The following TRPS1 variants were observed in gnomAD, a reference collection of about 807,000 sequenced individuals.
The protein encoded by TRPS1 is transcriptional repressor GATA binding 1, also known as zinc finger transcription factor Trps1.
A neutral mutation model predicts 101.2 loss-of-function variants in TRPS1; 6 were observed. The ratio of observed to expected loss-of-function variants is 0.06; its 90% CI spans 0.03 to 0.12. The LOEUF is 0.12. TRPS1 is among the 10% of genes least tolerant of loss of function. TRPS1 has a pLI of 1.00. For synonymous variants in TRPS1, 578 were observed against 589.8 expected (o/e 0.98, Z 0.29); for missense variants, 1,363 against 1,567.0 (o/e 0.87, Z 2.20).
rs888537991 is a variant in TRPS1 at position 115,412,126 on chromosome 8, G to C, written c.*1897C>G. 25 of 151,542 alleles carry C rather than the reference G, an allele frequency of 1.6e-4. No homozygotes were observed. Among genetic ancestry groups the C allele is most frequent in the African/African-American group, 6.1e-4 (25 of 41,104 alleles). 9.4% of individuals were successfully genotyped at this position (151,542 alleles called of 1,614,324 possible). ...AAACATAGACAAAGCAATAAAAAGA[G>C]GATATATGTTTATCATCTTAAGCAT... On this transcript the variant is annotated 3_prime_UTR_variant, in exon 7 of 7. Transcript: ENST00000395715.
At chr8:115,540,162 A>G (rs2130303590) in intron 5 of TRPS1, among the ~76,000 whole-genome samples, 1 of 152,308 alleles carries the variant, frequency 6.6e-6, no homozygotes, top group Non-Finnish European at 1.5e-5. Flanking sequence ...AAAGCTTAAC[A>G]TGCTTTAGTA....
intron 1 of TRPS1, among the ~76,000 whole-genome samples, chr8:115,655,631 T>C (rs1811660544): frequency 6.6e-6 from 1 of 152,184 alleles, no homozygotes; most frequent in Non-Finnish European, 1.5e-5. Context: ...GTACATGATC[T>C]TTTGTCAAAA....
intron 5 of TRPS1, among the ~76,000 whole-genome samples, chr8:115,436,157 C>T (rs751908465): frequency 1.3e-3 from 193 of 152,212 alleles, no homozygotes; most frequent in Middle Eastern, 3.4e-3. Flanking sequence ...AAATACAACT[C>T]ACATTGTATG....
chr8:115,534,734 T>C (rs1259715834), intron 5 of TRPS1, among the ~76,000 whole-genome samples: 1 of 152,192 alleles, frequency 6.6e-6, no homozygotes, highest in Admixed American at 6.5e-5. Flanking sequence ...AGAGTGGTAA[T>C]AATATATGAT....
chr8:115,494,857 T>C (rs111796173), intron 5 of TRPS1, among the ~76,000 whole-genome samples: 1 of 152,222 alleles, frequency 6.6e-6, no homozygotes, highest in African/African-American at 2.4e-5. Context: ...AAGATTAGGA[T>C]GTTTTTCGCT....
In TRPS1 at chr8:115,498,592, C is replaced by T. The variant is rs541283350; in HGVS notation, c.2701-80140G>A. On this transcript the variant is annotated intron_variant, in intron 5 of 6. Transcript: ENST00000395715. ...TATGGAAACTAATAAGCCAGAAAAA[C>T]GATGTAATGTAGTAGAAGCCATGCA... is the stretch of plus-strand genomic sequence containing the variant. Among the ~76,000 whole-genome samples, 13 of 151,328 alleles carry T rather than the reference C, an allele frequency of 8.6e-5. 1 individual carries two copies. The South Asian group carries it at 2.5e-3, about 29-fold the overall frequency.
chr8:115,517,518 G>T (rs1815745449), intron 5 of TRPS1, among the ~76,000 whole-genome samples: 1 of 151,176 alleles, frequency 6.6e-6, no homozygotes, highest in Non-Finnish European at 1.5e-5. Context: ...GGTTCTGCAG[G>T]GCTAATTAGT....
intron 5 of TRPS1, among the ~76,000 whole-genome samples, chr8:115,556,820 T>C (rs1816831460): frequency 6.6e-6 from 1 of 152,184 alleles, no homozygotes; most frequent in African/African-American, 2.4e-5. Context: ...GTATGCCACA[T>C]TTCCAAGCTT....
Position 115,415,049 on chromosome 8 carries a change from G to A in TRPS1, c.2859C>T (p.Asn953=), listed in dbSNP as rs769248489. The A allele has an allele frequency of 6.9e-6, 11 of 1,595,006 alleles. No individual in the cohort carries two copies. The highest frequency in any genetic ancestry group is 2.3e-5 in the South Asian group (2 of 87,538). ...TTCTCCTCCTAATAATCTGCTCACC[G>A]TTGTTTTGTTTAATGATGTTTAAAG... ...PRPLNIIKQN[N]GEQIIRRRTR... Residue 953 remains asparagine (N), a synonymous_variant, in exon 7 of 7, where the codon AAC becomes AAT. Coordinates refer to ENST00000395715, the MANE Select transcript of TRPS1 (RefSeq NM_014112.5).
At chr8:115,455,450 A>T (rs1397241836) in intron 5 of TRPS1, among the ~76,000 whole-genome samples, 1 of 152,186 alleles carries the variant, frequency 6.6e-6, no homozygotes, top group African/African-American at 2.4e-5. Context: ...CAATGTTTGT[A>T]TTTAAAGAGC....
Position 115,623,623 on chromosome 8 carries a change from G to T in TRPS1, c.15C>A (p.Val5=). Residue 5 remains valine, a synonymous_variant, in exon 2 of 7, where the codon GTC becomes GTA. Transcript: ENST00000395715. ...TACTTGTAAAATCATACCCAGCATT[G>T]ACTTCATAAGGCATGTGGCTTTAGA... MPYE[V]NAGYDFTNMV... is the part of the protein sequence containing the mutation. The T allele has an allele frequency of 1.2e-6, 2 of 1,608,148 alleles. No homozygotes were observed. Among genetic ancestry groups the T allele is most frequent in the South Asian group, 2.2e-5 (2 of 90,674 alleles).
rs1817980389 is a variant in TRPS1 at position 115,604,344 on chromosome 8, T to A, written c.1625A>T (p.Asp542Val). 6.2e-7 allele frequency: 1 copy of A among 1,614,014 alleles called. No homozygotes were observed. Among genetic ancestry groups the A allele is most frequent in the South Asian group, 1.1e-5 (1 of 91,066 alleles). The change falls in exon 4 of 7, where the codon GAC becomes GTC. Residue 542 changes from aspartate (D) to valine (V), a missense_variant. Coordinates refer to ENST00000395715, the MANE Select transcript of TRPS1 (RefSeq NM_014112.5). The surrounding 1 kb of genome is among the most constrained non-coding windows in gnomAD (Gnocchi z 4.1). ...GCCATGGCTTTTGGAATATCGGAAG[T>A]CACAGAACTGACAATTATAGCTCGT... Reference protein sequence around the residue: ...MVTSYNCQFCDFRYSKSHGPD... With the variant: ...MVTSYNCQFCVFRYSKSHGPD...
intron 5 of TRPS1, among the ~76,000 whole-genome samples, chr8:115,553,486 G>A (rs1047918028): frequency 6.6e-6 from 1 of 152,116 alleles, no homozygotes; most frequent in Middle Eastern, 3.4e-3. Context: ...GGCTGACCAC[G>A]CTGTTAAAAA....
chr8:115,510,227 C>A (rs79687424), intron 5 of TRPS1, among the ~76,000 whole-genome samples: 1,598 of 151,938 alleles, frequency 0.011, 29 homozygotes, highest in Admixed American at 0.041. Flanking sequence ...TGTGTCATAC[C>A]CTTTGCTTTA....
intron 5 of TRPS1, among the ~76,000 whole-genome samples, chr8:115,450,984 CAA>C (rs1813856745): frequency 6.6e-6 from 1 of 152,128 alleles, no homozygotes; most frequent in East Asian, 1.9e-4. Context: ...CCTGTTACCC[CAA>C]AAGTGTACAA....
Position 115,619,470 on chromosome 8 carries a change from G to A in TRPS1, c.628C>T (p.Leu210=), listed in dbSNP as rs1818338382. ...AGTAAGTCAGTTTTGGATTTATTCA[G>A]TCTTACACCCCCATCTGAAGGCACT... The part of the protein sequence containing the change: ...PQVPSDGGVR[L]NKSKTDLLVN... The change falls in exon 3 of 7, where the codon CTG becomes TTG. Residue 210 remains leucine, a synonymous_variant. Transcript: ENST00000395715. 5 of 1,614,092 alleles carry A rather than the reference G, an allele frequency of 3.1e-6. No homozygotes were observed. Among genetic ancestry groups the A allele is most frequent in the Non-Finnish European group, 4.2e-6 (5 of 1,180,050 alleles).
chr8:115,489,214 C>A (rs866533250), intron 5 of TRPS1, among the ~76,000 whole-genome samples: 1 of 152,138 alleles, frequency 6.6e-6, no homozygotes, highest in Non-Finnish European at 1.5e-5. Flanking sequence ...AAAATGTCAG[C>A]TTGCTTTATC....
intron 1 of TRPS1, among the ~76,000 whole-genome samples, chr8:115,642,484 T>G (rs1268422793): frequency 6.6e-6 from 1 of 152,114 alleles, no homozygotes; most frequent in East Asian, 1.9e-4. Flanking sequence ...TCTTCCATTA[T>G]TTAAAAACTT....
At chr8:115,512,529 T>C (rs1485752253) in intron 5 of TRPS1, among the ~76,000 whole-genome samples, 2 of 151,678 alleles carry the variant, frequency 1.3e-5, no homozygotes, top group Non-Finnish European at 3.0e-5. Context: ...TTCATGGTTT[T>C]TTTTTGAGCT....
Sources: allele counts gnomAD v4.1 joint callset (sites outside exome capture counted in the v4.1 genomes callset), GRCh38; gene constraint gnomAD v4.1.1; non-coding constraint Gnocchi (gnomAD v3.1); transcripts MANE v1.5; gene names NCBI Gene and HGNC (gene_info 2026-07-23, HGNC 2026-07-21).